The following IGF2BP2 variants were observed in gnomAD, a reference collection of about 807,000 sequenced individuals.
The protein encoded by IGF2BP2 is insulin-like growth factor 2 mRNA-binding protein 2.
IGF2BP2 carries 17 observed loss-of-function variants against 75.8 expected under a neutral mutation model. The observed-to-expected ratio is 0.22, with a 90% CI of 0.15 to 0.34. IGF2BP2 has a LOEUF of 0.34. Among genes scored for constraint, IGF2BP2 ranks in the 10% least tolerant of loss-of-function variants. The pLI, the probability that IGF2BP2 is intolerant of heterozygous loss-of-function variation, is 1.00. For synonymous variants in IGF2BP2, 288 were observed against 295.6 expected, an observed-to-expected ratio of 0.97 and a Z score of 0.26; for missense variants, 516 against 772.4, an observed-to-expected ratio of 0.67 and a Z score of 3.93.
At chr3:185,801,438 G>A (rs1329643212) in intron 2 of IGF2BP2, among the ~76,000 whole-genome samples, 2 of 146,388 alleles carry the variant, frequency 1.4e-5, no homozygotes, top group African/African-American at 2.6e-5. Context: ...GTGGTGAGCC[G>A]AGATGGCGTC....
At chr3:185,767,430 T>TA (rs577202046) in intron 2 of IGF2BP2, among the ~76,000 whole-genome samples, 122 of 152,320 alleles carry the variant, frequency 8.0e-4, no homozygotes, top group African/African-American at 2.9e-3. Flanking sequence ...CATAAGATGT[T>TA]AAAGGATTCT....
intron 2 of IGF2BP2, among the ~76,000 whole-genome samples, chr3:185,811,842 C>G (rs1739899043): frequency 1.1e-5 from 1 of 94,880 alleles, no homozygotes; most frequent in South Asian, 3.6e-4. Context: ...CTCTCTCTCT[C>G]TCTCTCTCTC....
At chr3:185,806,805 T>G (rs1410069995) in intron 2 of IGF2BP2, among the ~76,000 whole-genome samples, 1 of 152,208 alleles carries the variant, frequency 6.6e-6, no homozygotes, top group African/African-American at 2.4e-5. Context: ...TTTGCAATAT[T>G]TTTCTAATAT....
At chr3:185,664,818 G>T (rs1255892160) in intron 10 of IGF2BP2, among the ~76,000 whole-genome samples, 1 of 152,024 alleles carries the variant, frequency 6.6e-6, no homozygotes, top group Non-Finnish European at 1.5e-5. Flanking sequence ...CTTCTGGAGT[G>T]GGAACTCCAG....
intron 10 of IGF2BP2, among the ~76,000 whole-genome samples, chr3:185,658,754 C>T (rs768114040): frequency 6.6e-6 from 1 of 152,220 alleles, no homozygotes; most frequent in Non-Finnish European, 1.5e-5. Context: ...ACACTCTTAA[C>T]CTGCCCTCGG....
chr3:185,825,027 G>C lies in IGF2BP2; in HGVS notation c.-67C>G. 1.5e-6 allele frequency: 2 copies of C among 1,301,488 alleles called. No individual in the cohort carries two copies. The highest frequency in any genetic ancestry group is 1.7e-5 in the South Asian group (1 of 59,054). The allele number at this position is 1,301,488 out of a possible 1,614,324, so 80.6% of individuals were successfully genotyped here. ...CCCGGCGCTCCTCGCCTCCTCCGCTGCCCTCGTCTCTCCTCCTCCTCCGCC... is the reference window on the plus strand; with the variant it reads ...CCCGGCGCTCCTCGCCTCCTCCGCTCCCCTCGTCTCTCCTCCTCCTCCGCC... On this transcript the variant is annotated 5_prime_UTR_variant, in exon 1 of 16. Transcript: ENST00000382199.
chr3:185,755,979 G>A (rs1298834174), intron 2 of IGF2BP2, among the ~76,000 whole-genome samples: 1 of 152,118 alleles, frequency 6.6e-6, no homozygotes, highest in Non-Finnish European at 1.5e-5. Context: ...GAGATTGGAG[G>A]GGCCAGAGAC....
chr3:185,737,227 C>T (rs969456451), intron 2 of IGF2BP2, among the ~76,000 whole-genome samples: 3 of 152,218 alleles, frequency 2.0e-5, no homozygotes, highest in African/African-American at 7.2e-5. Flanking sequence ...CTATGTCCTT[C>T]CTTCCAGCAG....
chr3:185,651,822 C>T (rs1217261602), intron 13 of IGF2BP2, among the ~76,000 whole-genome samples: 3 of 152,172 alleles, frequency 2.0e-5, no homozygotes. Context: ...AAAACCAGGG[C>T]TAAGGGATCA....
intron 2 of IGF2BP2, among the ~76,000 whole-genome samples, chr3:185,756,048 T>C (rs563319889): frequency 1.3e-5 from 2 of 152,190 alleles, no homozygotes; most frequent in Non-Finnish European, 2.9e-5. Flanking sequence ...GTGATCCTCA[T>C]TGCTGGAAAT....
chr3:185,763,805 GT>G (rs138822021), intron 2 of IGF2BP2, among the ~76,000 whole-genome samples: 8 of 152,128 alleles, frequency 5.3e-5, no homozygotes, highest in Admixed American at 2.0e-4. Flanking sequence ...GTTTTTGCGT[GT>G]TTTTTTTAAG....
In IGF2BP2 at chr3:185,784,267, T is replaced by TAGAC. The variant is rs59726249; in HGVS notation, c.239+38882_239+38885dup. Among the ~76,000 whole-genome samples the TAGAC allele has an allele frequency of 4.2e-3, 640 of 151,732 alleles. 5 individuals are homozygous for TAGAC. Among genetic ancestry groups the TAGAC allele is most frequent in the African/African-American group, 0.014 (569 of 41,236 alleles). ...ATAAACAAGTAGATAGATAGATAGA[T>TAGAC]AGACAGACAGACAGACAGACAAAGT... is the stretch of plus-strand genomic sequence containing the variant. On this transcript the variant is annotated intron_variant, in intron 2 of 15. Transcript: ENST00000382199.
chr3:185,658,600 T>TG (rs1715865785), intron 10 of IGF2BP2, among the ~76,000 whole-genome samples, 191 bp from the exon 11 acceptor site: 1 of 152,214 alleles, frequency 6.6e-6, no homozygotes, highest in Non-Finnish European at 1.5e-5. Flanking sequence ...ACGGAATGCT[T>TG]GGCAAGATGT....
In IGF2BP2 at chr3:185,686,456, A is replaced by G. The variant is rs1394646369; in HGVS notation, c.812+601T>C. ...GAAGAAAAAAGTGGAAGAAGAATAA[A>G]GCAGCCATGTGTAAACTAGTTTCTA... is the stretch of plus-strand genomic sequence containing the variant. On this transcript the variant is annotated intron_variant, in intron 7 of 15. Transcript: ENST00000382199. 3.3e-5 allele frequency among the ~76,000 whole-genome samples: 5 copies of G among 152,130 alleles called. No homozygotes were observed. In the East Asian group the frequency reaches 9.6e-4, roughly 29 times the overall value.
At chr3:185,795,706 C>A (rs896478494) in intron 2 of IGF2BP2, among the ~76,000 whole-genome samples, 1 of 151,984 alleles carries the variant, frequency 6.6e-6, no homozygotes. Context: ...TATGGTGAAA[C>A]CCTGTATCTA....
chr3:185,703,026 G>C (rs1402105067), intron 2 of IGF2BP2, among the ~76,000 whole-genome samples: 1 of 152,196 alleles, frequency 6.6e-6, no homozygotes, highest in Admixed American at 6.5e-5. Context: ...AACTAAGTGT[G>C]TGGGAAAGGG....
At chr3:185,686,967 G>T in intron 7 of IGF2BP2, 90 bp downstream of exon 7, 1 of 1,412,354 alleles carries the variant, frequency 7.1e-7, no homozygotes, top group Non-Finnish European at 9.8e-7. Flanking sequence ...TAACAGATTT[G>T]GAGTTTTTAA....
chr3:185,768,173 T>A (rs1160081741), intron 2 of IGF2BP2, among the ~76,000 whole-genome samples: 7 of 152,236 alleles, frequency 4.6e-5, no homozygotes, highest in Admixed American at 3.3e-4. Flanking sequence ...CTTAGTGGCA[T>A]CATGACACTA....
intron 4 of IGF2BP2, among the ~76,000 whole-genome samples, chr3:185,695,408 G>T (rs190706846): frequency 6.6e-6 from 1 of 152,292 alleles, no homozygotes; most frequent in East Asian, 1.9e-4. Context: ...ACTATCCAGT[G>T]ACAGAGGAAG....
Sources: allele counts gnomAD v4.1 joint callset (sites outside exome capture counted in the v4.1 genomes callset), GRCh38; gene constraint gnomAD v4.1.1; transcripts MANE v1.5; gene names NCBI Gene and HGNC (gene_info 2026-07-23, HGNC 2026-07-21).